Variants in NCOR2 observed in about 807,000 individuals in gnomAD.
The protein encoded by NCOR2 is nuclear receptor corepressor 2, also known as CTG repeat protein 26.
A neutral mutation model predicts 262.9 loss-of-function variants in NCOR2; 81 were observed. The ratio of observed to expected loss-of-function variants is 0.31; its 90% CI spans 0.26 to 0.37. The LOEUF (loss-of-function observed/expected upper bound fraction) is 0.37. Among genes scored for constraint, NCOR2 ranks in the 10% least tolerant of loss-of-function variants. The pLI is 1.00. For synonymous variants in NCOR2, 1,659 were observed against 1,559.3 expected, an observed-to-expected ratio of 1.06 and a Z score of -1.51; for missense variants, 3,385 against 3,621.4, an observed-to-expected ratio of 0.93 and a Z score of 1.68.
At chr12:124,334,506 G>T in exon 41 of NCOR2, 1 of 1,448,336 alleles carries the variant, frequency 6.9e-7, no homozygotes, top group Non-Finnish European at 9.1e-7. Context: ...CTGGGTGGGC[G>T]GCGGAGGTCC....
At chr12:124,349,548 G>C (rs983666598) in intron 28 of NCOR2, among the ~76,000 whole-genome samples, 1 of 152,150 alleles carries the variant, frequency 6.6e-6, no homozygotes, top group Non-Finnish European at 1.5e-5. Flanking sequence ...AGTGGACGGC[G>C]TGAGCAGGCA....
chr12:124,369,780 G>A (rs1056599620), intron 20 of NCOR2, among the ~76,000 whole-genome samples: 8 of 152,304 alleles, frequency 5.3e-5, no homozygotes, highest in African/African-American at 1.7e-4. Flanking sequence ...CACTGGGCAA[G>A]GGGTGGACGT....
chr12:124,385,734 TG>T lies in NCOR2; in HGVS notation c.2019+10del, dbSNP rs2040761270. Reference sequence around the variant, plus strand: ...TCCCAGAGGCGCGGTGCAGCGTGACTGGGGGCTCACCATCTTCAGCTTGTGC... The same window carrying T: ...TCCCAGAGGCGCGGTGCAGCGTGACTGGGGCTCACCATCTTCAGCTTGTGC... On this transcript the variant is annotated intron_variant, in intron 17 of 46. Coordinates refer to ENST00000405201, the Ensembl canonical transcript of NCOR2. The T allele has an allele frequency of 6.2e-7, 1 of 1,613,114 alleles. No individual in the cohort carries two copies.
Position 124,481,122 on chromosome 12 carries a change from C to T in NCOR2, c.411+2474G>A, listed in dbSNP as rs1023665131. Among the ~76,000 whole-genome samples the T allele has an allele frequency of 7.1e-6, 1 of 141,616 alleles. No individual in the cohort carries two copies. The highest frequency in any genetic ancestry group is 1.5e-5 in the Non-Finnish European group (1 of 65,254). 92.9% of individuals were successfully genotyped at this position (141,616 alleles called of 152,430 possible). A position where few individuals can be genotyped will look rare whatever the true frequency, so the allele number is the denominator to read the frequency against. On this transcript the variant is annotated intron_variant, in intron 3 of 46. Transcript: ENST00000405201. The surrounding 1 kb of genome is among the most constrained non-coding windows in gnomAD (Gnocchi z 4.6). The stretch of plus-strand genomic sequence containing the variant: ...AGGGGGTGAAGGGGAGTGAGCAGGA[C>T]AGGGGGGCTGTTTGGGTGGAAAGAA...
At chr12:124,336,722 A>G (rs771931768) in intron 38 of NCOR2, 31 bp downstream of exon 40, 12 of 1,609,626 alleles carry the variant, frequency 7.5e-6, no homozygotes, top group Non-Finnish European at 1.0e-5. Flanking sequence ...AATCGCGTCT[A>G]TGAAGGTGGC....
chr12:124,369,268 G>T (rs1163789853), intron 20 of NCOR2, among the ~76,000 whole-genome samples: 1 of 152,212 alleles, frequency 6.6e-6, no homozygotes, highest in East Asian at 1.9e-4. Context: ...CGTCTGCCAA[G>T]AAAACACCCA....
chr12:124,335,249 G>T, exon 40 of NCOR2: 1 of 1,607,684 alleles, frequency 6.2e-7, no homozygotes. Flanking sequence ...GGTGTGGGAG[G>T]TGGGCGGCCT....
intron 1 of NCOR2, among the ~76,000 whole-genome samples, chr12:124,552,104 G>A (rs1411563643): frequency 6.6e-6 from 1 of 152,114 alleles, no homozygotes. Flanking sequence ...AGGATCTCCT[G>A]AGCTCAGGAG....
chr12:124,374,281 C>T lies in NCOR2; in HGVS notation c.2218+132G>A, dbSNP rs558048523. On this transcript the variant is annotated intron_variant, in intron 19 of 46. Coordinates refer to ENST00000405201, the Ensembl canonical transcript of NCOR2. ...TGCTGGGAAGGAAGCCCAGAGGCCG[C>T]GGAGCACAAACGGTGGCGCTCACAG... The T allele has an allele frequency of 1.4e-4, 127 of 899,692 alleles. 1 individual carries two copies. The highest frequency in any genetic ancestry group is 3.5e-4 in the Middle Eastern group (1 of 2,894). 55.7% of individuals were successfully genotyped at this position (899,692 alleles called of 1,614,324 possible). A position where few individuals can be genotyped will look rare whatever the true frequency, so the allele number is the denominator to read the frequency against.
intron 20 of NCOR2, among the ~76,000 whole-genome samples, chr12:124,366,688 T>C (rs1380186470): frequency 6.6e-6 from 1 of 152,144 alleles, no homozygotes; most frequent in Non-Finnish European, 1.5e-5. Flanking sequence ...TGCATTTTTT[T>C]CTTTTTTGTG....
rs752239831 is a variant in NCOR2, at chr12:124,335,643, C to CG, written c.6116-12dup. 23 of 1,589,976 alleles carry CG rather than the reference C, an allele frequency of 1.4e-5. No individual in the cohort carries two copies. In the African/African-American group the frequency reaches 2.8e-4, roughly 19 times the overall value. ...TGCTGCCGTGGTAACCTAGGGCAGG[C>CG]GGGGGGTGCAGAGTCAGGCACCGGG... On this transcript the variant is annotated splice_polypyrimidine_tract_variant and intron_variant, in intron 38 of 46. Coordinates refer to ENST00000405201, the Ensembl canonical transcript of NCOR2.
chr12:124,535,312 C>T (rs1273416564), intron 1 of NCOR2, among the ~76,000 whole-genome samples: 2 of 152,254 alleles, frequency 1.3e-5, no homozygotes, highest in East Asian at 3.9e-4. Flanking sequence ...TCCCACCTCT[C>T]AGGTGTCATC....
chr12:124,423,682 C>T (rs2043355359), intron 11 of NCOR2, among the ~76,000 whole-genome samples: 1 of 152,144 alleles, frequency 6.6e-6, no homozygotes, highest in Non-Finnish European at 1.5e-5. Flanking sequence ...GCAAACCCCT[C>T]CCACGGGGTT....
chr12:124,369,890 C>CT (rs147886807), intron 20 of NCOR2, among the ~76,000 whole-genome samples: 3,161 of 152,254 alleles, frequency 0.021, 99 homozygotes, highest in African/African-American at 0.071. Context: ...CAGGCCTAGC[C>CT]TGAGTGTTCT....
chr12:124,407,790 T>C (rs2042356137), intron 13 of NCOR2, among the ~76,000 whole-genome samples: 1 of 152,254 alleles, frequency 6.6e-6, no homozygotes, highest in Non-Finnish European at 1.5e-5. Context: ...TCACTGAGCA[T>C]CTACCATGTG....
chr12:124,564,281 A>G (rs925776051), intron 1 of NCOR2, among the ~76,000 whole-genome samples: 6 of 152,132 alleles, frequency 3.9e-5, no homozygotes, highest in African/African-American at 1.4e-4. Context: ...AGGGACACAG[A>G]CCTTCTGTCA....
Position 124,566,230 on chromosome 12 carries a change from G to A in NCOR2, c.-165+1078C>T, listed in dbSNP as rs2052232480. 2.6e-5 allele frequency among the ~76,000 whole-genome samples: 4 copies of A among 152,332 alleles called. No homozygotes were observed. The South Asian group carries it at 8.3e-4, about 32-fold the overall frequency. ...CACCAACGGGGGAGAGGAGGAGGGG[G>A]AGGAAGGGAGGAGGCTGAGCCGACA... On this transcript the variant is annotated intron_variant, in intron 1 of 32. Transcript: ENST00000458234. This position sits in a 1 kb window ranked among gnomAD's most constrained non-coding sequence, Gnocchi z 4.3.
intron 15 of NCOR2, 139 bp from the exon 18 acceptor site, chr12:124,398,320 A>G (rs897918600): frequency 2.1e-5 from 18 of 872,648 alleles, no homozygotes; most frequent in Non-Finnish European, 1.8e-6. Context: ...CCCCGTGGGA[A>G]GGCCACATTT....
At chr12:124,345,100 T>C in intron 31 of NCOR2, 149 bp from the exon 34 acceptor site, 2 of 745,232 alleles carry the variant, frequency 2.7e-6, no homozygotes, top group South Asian at 4.0e-5. Context: ...AGGGCTTTGC[T>C]AACCCTGAGA....
Sources: allele counts gnomAD v4.1 joint callset (sites outside exome capture counted in the v4.1 genomes callset), GRCh38; gene constraint gnomAD v4.1.1; non-coding constraint Gnocchi (gnomAD v3.1); transcripts MANE v1.5; gene names NCBI Gene and HGNC (gene_info 2026-07-23, HGNC 2026-07-21).